KCNIP4: variants seen among roughly 807,000 people sequenced by gnomAD.
KCNIP4 encodes potassium voltage-gated channel interacting protein 4, also known as Kv channel-interacting protein 4.
In KCNIP4, 12 loss-of-function variants were observed where a neutral mutation model predicts 34.0. That is an observed-to-expected ratio of 0.35 (90% confidence interval 0.23 to 0.57). The LOEUF is 0.57. KCNIP4 is among the 20% of genes least tolerant of loss of function. KCNIP4 has a pLI of 0.83. For missense variants in KCNIP4, 238 were observed against 311.7 expected, an observed-to-expected ratio of 0.76 and a Z score of 1.78; for synonymous variants, 124 against 102.2, an observed-to-expected ratio of 1.21 and a Z score of -1.29.
At chr4:21,643,772 C>A (rs3967097) in intron 1 of KCNIP4, among the ~76,000 whole-genome samples, 67,882 of 151,520 alleles carry the variant, frequency 0.45, 15,671 homozygotes, top group Non-Finnish European at 0.5. Context: ...GCCAGACTAT[C>A]CTGCAGATTT....
intron 2 of KCNIP4, among the ~76,000 whole-genome samples, chr4:20,873,636 T>G (rs190949587): frequency 6.6e-6 from 1 of 152,306 alleles, no homozygotes; most frequent in African/African-American, 2.4e-5. Context: ...TAACTTCAAG[T>G]TCACATCATC....
chr4:21,053,131 A>T (rs967973593), intron 1 of KCNIP4, among the ~76,000 whole-genome samples: 1 of 152,188 alleles, frequency 6.6e-6, no homozygotes. Flanking sequence ...ACAGATAAAT[A>T]TAAATAAGTG....
At chr4:20,865,017 T>C (rs1156232694) in intron 2 of KCNIP4, among the ~76,000 whole-genome samples, 2 of 152,144 alleles carry the variant, frequency 1.3e-5, no homozygotes, top group African/African-American at 4.8e-5. Context: ...GCCACAGTTA[T>C]AATACCTAAT....
intron 1 of KCNIP4, among the ~76,000 whole-genome samples, chr4:21,307,839 C>T (rs1309939643): frequency 6.6e-6 from 1 of 152,148 alleles, no homozygotes; most frequent in Non-Finnish European, 1.5e-5. Flanking sequence ...ATTAGCTGTG[C>T]TCTATCTTCA....
chr4:21,819,462 T>G (rs1291050959), intron 1 of KCNIP4, among the ~76,000 whole-genome samples: 1 of 152,198 alleles, frequency 6.6e-6, no homozygotes, highest in Non-Finnish European at 1.5e-5. Context: ...TAACCTGATA[T>G]TTGTTGTTTA....
intron 1 of KCNIP4, among the ~76,000 whole-genome samples, chr4:21,119,747 G>A (rs933021860): frequency 2.0e-5 from 3 of 151,522 alleles, no homozygotes; most frequent in African/African-American, 7.3e-5. Context: ...CCTTCTAGAA[G>A]AATGTGGCAG....
intron 1 of KCNIP4, among the ~76,000 whole-genome samples, chr4:21,678,870 T>C (rs547953238): frequency 5.6e-4 from 85 of 152,286 alleles, no homozygotes; most frequent in Admixed American, 2.7e-3. Context: ...GGAACGTGAC[T>C]GTACTTAGAG....
At chr4:21,300,790 A>G (rs1197253022) in intron 1 of KCNIP4, among the ~76,000 whole-genome samples, 1 of 152,124 alleles carries the variant, frequency 6.6e-6, no homozygotes, top group African/African-American at 2.4e-5. Context: ...TAGGCCGCTG[A>G]TATCTATTTT....
chr4:21,206,971 G>T (rs1219573311), intron 1 of KCNIP4, among the ~76,000 whole-genome samples: 1 of 152,172 alleles, frequency 6.6e-6, no homozygotes, highest in East Asian at 1.9e-4. Flanking sequence ...GATGCTGCAT[G>T]TATCTCCTAA....
chr4:21,327,653 T>C (rs1715220651), intron 1 of KCNIP4, among the ~76,000 whole-genome samples: 1 of 152,120 alleles, frequency 6.6e-6, no homozygotes, highest in South Asian at 2.1e-4. Context: ...TCTCTCTCTA[T>C]ATCTCCTCTT....
At position 21,006,922 on chromosome 4, in the gene KCNIP4, CAAT is replaced by C. The variant is rs201907666; in HGVS notation, c.62-124216_62-124214del. On this transcript the variant is annotated intron_variant, in intron 1 of 8. Transcript: ENST00000382152. ...AATAATTAAGCTTGGCAAGGTCTCACAATAAATTCTCTCTGTTCTTGAGGACAA... is the reference window on the plus strand; with the variant it reads ...AATAATTAAGCTTGGCAAGGTCTCACAAATTCTCTCTGTTCTTGAGGACAA... Among the ~76,000 whole-genome samples the C allele has an allele frequency of 6.3e-3, 965 of 152,224 alleles. 9 individuals carry two copies. Among genetic ancestry groups the C allele is most frequent in the African/African-American group, 0.022 (904 of 41,530 alleles).
intron 1 of KCNIP4, among the ~76,000 whole-genome samples, chr4:21,906,621 AGTG>A (rs1486157933): frequency 6.6e-6 from 1 of 152,122 alleles, no homozygotes; most frequent in African/African-American, 2.4e-5. Context: ...AATTTATTAC[AGTG>A]GTCCCAGGAC....
In KCNIP4 at chr4:21,504,133, AC is replaced by A. The variant is rs573029172; in HGVS notation, c.61+444437del. 2.0e-3 allele frequency among the ~76,000 whole-genome samples: 299 copies of A among 152,108 alleles called. 13 individuals are homozygous for A. The highest frequency in any genetic ancestry group is 5.9e-4 in the Non-Finnish European group (40 of 68,038). On this transcript the variant is annotated intron_variant, in intron 1 of 8. Coordinates refer to ENST00000382152, the MANE Select transcript of KCNIP4 (RefSeq NM_025221.6). Reference sequence around the variant, plus strand: ...TAATCCACCCATCATCATATATTGCACGTCTGTACCCAGCCTGGTCAACAAT... The same window carrying A: ...TAATCCACCCATCATCATATATTGCAGTCTGTACCCAGCCTGGTCAACAAT...
chr4:20,905,926 A>G (rs551367879), intron 1 of KCNIP4, among the ~76,000 whole-genome samples: 1 of 152,226 alleles, frequency 6.6e-6, no homozygotes, highest in Admixed American at 6.5e-5. Context: ...CACCAAATAT[A>G]GTCGCATTCT....
intron 1 of KCNIP4, among the ~76,000 whole-genome samples, chr4:21,142,284 C>T (rs545188287): frequency 4.0e-5 from 6 of 151,862 alleles, no homozygotes; most frequent in South Asian, 2.1e-4. Flanking sequence ...ATTATTTGTT[C>T]GGTGAATAGT....
At chr4:20,960,422 C>T (rs1733735760) in intron 1 of KCNIP4, among the ~76,000 whole-genome samples, 1 of 152,198 alleles carries the variant, frequency 6.6e-6, no homozygotes, top group African/African-American at 2.4e-5. Flanking sequence ...TGTCGTTTCT[C>T]ATTTGCTGAA....
Position 21,567,596 on chromosome 4 carries a change from C to T in KCNIP4, c.61+380975G>A, listed in dbSNP as rs1740011633. Among the ~76,000 whole-genome samples the T allele has an allele frequency of 3.9e-5, 6 of 152,096 alleles. No individual in the cohort carries two copies. The South Asian group carries it at 1.0e-3, about 26-fold the overall frequency. On this transcript the variant is annotated intron_variant, in intron 1 of 8. Transcript: ENST00000382152. ...GGATTTTCTGATGTGTACAATGCAACCTAATTAACATGTCATATAGCCAGC... is the reference window on the plus strand; with the variant it reads ...GGATTTTCTGATGTGTACAATGCAATCTAATTAACATGTCATATAGCCAGC...
intron 1 of KCNIP4, among the ~76,000 whole-genome samples, chr4:21,018,744 T>C (rs1275584655): frequency 1.3e-5 from 2 of 152,200 alleles, no homozygotes; most frequent in African/African-American, 2.4e-5. Flanking sequence ...GATTTTTTCT[T>C]AATAAAGTCC....
intron 1 of KCNIP4, among the ~76,000 whole-genome samples, chr4:21,323,162 ATG>A (rs61297899): frequency 0.35 from 18,700 of 53,908 alleles, 1,409 homozygotes; most frequent in Middle Eastern, 0.44. Context: ...ATATATATAT[ATG>A]TATATATATA....
Sources: gnomAD v4.1 joint callset for allele counts (sites outside exome capture counted in the v4.1 genomes callset) on GRCh38, gnomAD v4.1.1 for gene constraint, MANE v1.5 for transcripts, NCBI Gene and HGNC (gene_info 2026-07-23, HGNC 2026-07-21) for gene names.